Variants in ACBD3 observed in about 807,000 individuals in gnomAD.
ACBD3 encodes Golgi resident protein GCP60.
A neutral mutation model predicts 66.9 loss-of-function variants in ACBD3; 30 were observed. That is an observed-to-expected ratio of 0.45 (90% CI 0.34 to 0.61). The LOEUF is 0.61. Ranked by LOEUF, ACBD3 falls within the 20% of genes least tolerant of loss-of-function variation. The pLI is 0.02. For synonymous variants in ACBD3, 278 were observed against 259.8 expected (o/e 1.07, Z -0.68); for missense variants, 544 against 664.5 (o/e 0.82, Z 1.99).
In ACBD3 at chr1:226,145,589, A is replaced by G. The variant is rs1041324808; in HGVS notation, c.*1021T>C. On this transcript the variant is annotated 3_prime_UTR_variant, in exon 8 of 8. Transcript: ENST00000366812. The stretch of plus-strand genomic sequence containing the variant: ...TTAAGCATGGGCATATGTATTTCCA[A>G]TTCTCCTTAATAAGTAATTCCAAAC... 8 of 152,772 alleles carry G rather than the reference A, an allele frequency of 5.2e-5. No homozygotes were observed. The South Asian group carries it at 1.7e-3, about 32-fold the overall frequency. 9.5% of individuals were successfully genotyped at this position (152,772 alleles called of 1,614,324 possible).
At position 226,152,297 on chromosome 1, in the gene ACBD3, C is replaced by A. The variant is rs368527034; in HGVS notation, c.1375+38G>T. On this transcript the variant is annotated intron_variant, in intron 7 of 7. Coordinates refer to ENST00000366812, the MANE Select transcript of ACBD3 (RefSeq NM_022735.4). ...ACTATGTACCATTTCTGCCAACACACAACCCAGCAGCTACTGAATATGGAC... is the reference window on the plus strand; with the variant it reads ...ACTATGTACCATTTCTGCCAACACAAAACCCAGCAGCTACTGAATATGGAC... The A allele has an allele frequency of 2.0e-5, 32 of 1,602,622 alleles. No homozygotes were observed. In the Admixed American group the frequency reaches 4.2e-4, roughly 21 times the overall value.
At chr1:226,175,091 C>CAA (rs35201518) in intron 1 of ACBD3, among the ~76,000 whole-genome samples, 39 of 75,960 alleles carry the variant, frequency 5.1e-4, no homozygotes, top group East Asian at 2.1e-3. Flanking sequence ...GACTCCATCT[C>CAA]AAAAAAAAAA....
At chr1:226,171,170 C>CA (rs1659986713) in intron 1 of ACBD3, among the ~76,000 whole-genome samples, 1 of 149,938 alleles carries the variant, frequency 6.7e-6, no homozygotes. Flanking sequence ...TTTTCTGAGA[C>CA]AGACTCTCGC....
intron 1 of ACBD3, among the ~76,000 whole-genome samples, chr1:226,168,761 C>T (rs1400206465): frequency 3.3e-5 from 5 of 152,124 alleles, no homozygotes; most frequent in Admixed American, 6.6e-5. Context: ...TACTTGATGA[C>T]ATTAATCATC....
chr1:226,173,181 A>C (rs969553856), intron 1 of ACBD3, among the ~76,000 whole-genome samples: 9 of 152,054 alleles, frequency 5.9e-5, no homozygotes, highest in African/African-American at 1.4e-4. Flanking sequence ...CCAAGATGAG[A>C]GGATCCCTTG....
At chr1:226,173,359 T>C (rs1259833817) in intron 1 of ACBD3, among the ~76,000 whole-genome samples, 3 of 152,228 alleles carry the variant, frequency 2.0e-5, no homozygotes. Flanking sequence ...TATTCATTTT[T>C]TATTTCCCCA....
At chr1:226,166,594 T>C (rs1216050257) in intron 1 of ACBD3, among the ~76,000 whole-genome samples, 1 of 151,238 alleles carries the variant, frequency 6.6e-6, no homozygotes, top group Non-Finnish European at 1.5e-5. Flanking sequence ...TAAGTGATCC[T>C]CCCACCTCAG....
intron 1 of ACBD3, among the ~76,000 whole-genome samples, chr1:226,175,070 CA>C (rs1250269181): frequency 1.2e-5 from 1 of 82,542 alleles, no homozygotes; most frequent in African/African-American, 4.9e-5. Flanking sequence ...TCCAGCCTGA[CA>C]AAAGAGTGAG....
chr1:226,147,690 G>A (rs1412954605), intron 7 of ACBD3, among the ~76,000 whole-genome samples: 1 of 152,096 alleles, frequency 6.6e-6, no homozygotes, highest in Non-Finnish European at 1.5e-5. Context: ...TTTTCACTAG[G>A]CCAATTTAAC....
chr1:226,180,998 CAAA>C (rs540018230), intron 1 of ACBD3, among the ~76,000 whole-genome samples: 3 of 84,268 alleles, frequency 3.6e-5, no homozygotes. Flanking sequence ...GACTCCATCT[CAAA>C]AAAAAAAAAA....
intron 3 of ACBD3, among the ~76,000 whole-genome samples, chr1:226,163,651 T>C (rs76387364): frequency 0.03 from 4,628 of 152,288 alleles, 217 homozygotes; most frequent in African/African-American, 0.1. Context: ...CATCATACTA[T>C]TGTAATGGAG....
At position 226,174,527 on chromosome 1, in the gene ACBD3, G is replaced by A. The variant is rs147005631; in HGVS notation, c.287-8527C>T. ...CGCCTGTAATCCCAGCACTTTGGGA[G>A]GCCAGGGCAAGTGGATCACCTGAGG... On this transcript the variant is annotated intron_variant, in intron 1 of 7. Coordinates refer to ENST00000366812, the MANE Select transcript of ACBD3 (RefSeq NM_022735.4). Among the ~76,000 whole-genome samples the A allele has an allele frequency of 0.014, 2,073 of 152,294 alleles. 120 individuals are homozygous for A. In the East Asian group the frequency reaches 0.19, roughly 14 times the overall value.
At chr1:226,173,867 T>G (rs1341968042) in intron 1 of ACBD3, among the ~76,000 whole-genome samples, 1 of 151,036 alleles carries the variant, frequency 6.6e-6, no homozygotes, top group Non-Finnish European at 1.5e-5. Context: ...TTCAAGTGAT[T>G]CTCCTGCCTC....
intron 6 of ACBD3, 133 bp from the exon 7 acceptor site, chr1:226,152,752 T>TG: frequency 2.3e-6 from 2 of 887,510 alleles, no homozygotes; most frequent in Non-Finnish European, 3.4e-6. Flanking sequence ...ATCAAGGACT[T>TG]GGAGGAATAA....
chr1:226,167,825 G>A (rs953649726), intron 1 of ACBD3, among the ~76,000 whole-genome samples: 9 of 152,056 alleles, frequency 5.9e-5, no homozygotes, highest in African/African-American at 1.7e-4. Context: ...CATCCAAAAA[G>A]ATATTCAACC....
In ACBD3 at chr1:226,144,721, G is replaced by T. The variant is rs1270988639; in HGVS notation, c.*1889C>A. 2 of 152,494 alleles carry T rather than the reference G, an allele frequency of 1.3e-5. No individual in the cohort carries two copies. The highest frequency in any genetic ancestry group is 4.1e-4 in the South Asian group (2 of 4,826). The allele number at this position is 152,494 out of a possible 1,614,324, so 9.4% of individuals were successfully genotyped here. A position where few individuals can be genotyped will look rare whatever the true frequency, so the allele number is the denominator to read the frequency against. ...AATTGATTAAATATATTACTTTCAA[G>T]ATCTTTTTGAAATCGCACTTGTACT... On this transcript the variant is annotated 3_prime_UTR_variant, in exon 8 of 8. Transcript: ENST00000366812.
intron 1 of ACBD3, among the ~76,000 whole-genome samples, chr1:226,175,245 C>T (rs1202867536): frequency 6.6e-6 from 1 of 152,058 alleles, no homozygotes. Context: ...TTTGGAAAGG[C>T]ATGGTCTCAT....
At chr1:226,157,662 C>T (rs1398505321) in intron 5 of ACBD3, among the ~76,000 whole-genome samples, 4 of 152,190 alleles carry the variant, frequency 2.6e-5, no homozygotes, top group African/African-American at 9.7e-5. Flanking sequence ...GCCTCAGCCT[C>T]CCAAGTAACT....
chr1:226,154,129 C>G (rs991983628), intron 6 of ACBD3, among the ~76,000 whole-genome samples: 1 of 152,170 alleles, frequency 6.6e-6, no homozygotes, highest in African/African-American at 2.4e-5. Flanking sequence ...AGCTAAACTG[C>G]TCCTGAAACC....
Sources: allele counts gnomAD v4.1 joint callset (sites outside exome capture counted in the v4.1 genomes callset), GRCh38; gene constraint gnomAD v4.1.1; transcripts MANE v1.5; gene names NCBI Gene and HGNC (gene_info 2026-07-23, HGNC 2026-07-21).